The following TBC1D7 variants were observed in gnomAD, a reference collection of about 807,000 sequenced individuals.
The protein encoded by TBC1D7 is TBC1 domain family member 7.
A neutral mutation model predicts 35.3 loss-of-function variants in TBC1D7; 33 were observed. The observed-to-expected ratio is 0.93, with a 90% CI of 0.71 to 1.25. The LOEUF (loss-of-function observed/expected upper bound fraction) is 1.25. Among genes scored for constraint, TBC1D7 ranks in the 50% most tolerant of loss-of-function variants. The probability of loss-of-function intolerance (pLI) is 0.00; values close to 1 mark genes in which losing one functional copy is unlikely to be tolerated. For synonymous variants in TBC1D7, 135 were observed against 129.5 expected (o/e 1.04, Z -0.29); for missense variants, 362 against 365.3 (o/e 0.99, Z 0.07).
At chr6:13,314,129 C>G (rs1297524089) in intron 5 of TBC1D7, among the ~76,000 whole-genome samples, 2 of 151,130 alleles carry the variant, frequency 1.3e-5, no homozygotes. Flanking sequence ...GGGATGAACC[C>G]GGGAGGTGGA....
At chr6:13,323,355 T>TA (rs1784180195) in intron 3 of TBC1D7, among the ~76,000 whole-genome samples, 2 of 149,468 alleles carry the variant, frequency 1.3e-5, no homozygotes, top group African/African-American at 2.5e-5. Context: ...TGTCTCAAAA[T>TA]AAAAAAATTA....
chr6:13,326,622 T>C (rs1185512003), intron 2 of TBC1D7, among the ~76,000 whole-genome samples, 165 bp downstream of exon 2: 11 of 152,176 alleles, frequency 7.2e-5, no homozygotes. Flanking sequence ...CTCAGTGAAA[T>C]ATAAATTTGA....
intron 5 of TBC1D7, among the ~76,000 whole-genome samples, chr6:13,311,705 C>T (rs1185061731): frequency 2.0e-5 from 3 of 152,004 alleles, no homozygotes; most frequent in Admixed American, 6.5e-5. Context: ...GATGAGGAAA[C>T]GAAAGTTTAA....
At chr6:13,322,279 C>CA (rs973001262) in intron 3 of TBC1D7, among the ~76,000 whole-genome samples, 12 of 150,430 alleles carry the variant, frequency 8.0e-5, no homozygotes, top group South Asian at 2.1e-4. Flanking sequence ...AAAAACAAAA[C>CA]AAAAAAAAAC....
chr6:13,323,794 A>C (rs1784216971), intron 3 of TBC1D7: 2 of 152,206 alleles, frequency 1.3e-5, no homozygotes, highest in Admixed American at 6.5e-5. Context: ...AAGATACTAC[A>C]TTTTGGAAAG....
chr6:13,312,517 G>A (rs532488307), intron 5 of TBC1D7, among the ~76,000 whole-genome samples: 2 of 151,760 alleles, frequency 1.3e-5, no homozygotes, highest in Non-Finnish European at 2.9e-5. Context: ...GCGAAATCCC[G>A]TCTCTACTAA....
intron 5 of TBC1D7, among the ~76,000 whole-genome samples, chr6:13,314,154 G>A (rs893803723): frequency 5.3e-5 from 8 of 150,740 alleles, no homozygotes; most frequent in African/African-American, 9.8e-5. Flanking sequence ...GCAGTGAGCC[G>A]AGATTGCGCC....
At chr6:13,314,442 A>G (rs1427045747) in intron 5 of TBC1D7, among the ~76,000 whole-genome samples, 1 of 152,236 alleles carries the variant, frequency 6.6e-6, no homozygotes, top group Non-Finnish European at 1.5e-5. Flanking sequence ...GAATTTTTAA[A>G]GAATAGCATA....
At chr6:13,311,917 G>A (rs1364211845) in intron 5 of TBC1D7, among the ~76,000 whole-genome samples, 3 of 145,248 alleles carry the variant, frequency 2.1e-5, no homozygotes, top group African/African-American at 2.6e-5. Flanking sequence ...ATAAAAAGGA[G>A]TCCAGAAAGA....
At chr6:13,321,212 G>A (rs750593713) in intron 3 of TBC1D7, 117 bp from the exon 4 acceptor site, 106 of 788,994 alleles carry the variant, frequency 1.3e-4, no homozygotes, top group Middle Eastern at 2.5e-4. Context: ...TAGAATTCAC[G>A]CAGACATTCA....
At chr6:13,320,494 C>T in intron 4 of TBC1D7, 1 of 468,798 alleles carries the variant, frequency 2.1e-6, no homozygotes, top group Non-Finnish European at 3.8e-6. Context: ...CGTTTTAAAA[C>T]AACAAAGCAA....
chr6:13,323,261 G>A (rs927595030), intron 3 of TBC1D7, among the ~76,000 whole-genome samples: 1 of 152,136 alleles, frequency 6.6e-6, no homozygotes, highest in African/African-American at 2.4e-5. Context: ...ACTGAGGCAG[G>A]AGAATCGCCT....
At chr6:13,328,271 A>C (rs1413908733) in intron 1 of TBC1D7, 25 bp downstream of exon 1, 2 of 152,250 alleles carry the variant, frequency 1.3e-5, no homozygotes, top group African/African-American at 4.8e-5. Flanking sequence ...CCCAGGTCCC[A>C]TTCTCTCTAT....
chr6:13,307,620 C>T lies in TBC1D7; in HGVS notation c.645G>A (p.Leu215=), dbSNP rs1782898816. Residue 215 remains leucine (L), a synonymous_variant, in exon 6 of 8, where the codon TTG becomes TTA. Coordinates refer to ENST00000379300, the MANE Select transcript of TBC1D7 (RefSeq NM_016495.6). The part of the protein sequence containing the change: ...LWFKRCFAGC[L]PESSLQRVWD... ...CTTGCCTCTGTAAACTGGATTCAGGCAAACATCCCGCAAAGCACCTCTTGA... is the reference window on the plus strand; with the variant it reads ...CTTGCCTCTGTAAACTGGATTCAGGTAAACATCCCGCAAAGCACCTCTTGA... 6.2e-7 allele frequency: 1 copy of T among 1,614,110 alleles called. No homozygotes were observed. The highest frequency in any genetic ancestry group is 8.5e-7 in the Non-Finnish European group (1 of 1,180,018).
intron 5 of TBC1D7, among the ~76,000 whole-genome samples, chr6:13,314,318 G>C (rs1783446041): frequency 6.6e-6 from 1 of 152,202 alleles, no homozygotes; most frequent in African/African-American, 2.4e-5. Context: ...GAGAAGTAGG[G>C]AATTGCAGGG....
chr6:13,311,958 AATGT>A (rs1285739202), intron 5 of TBC1D7, among the ~76,000 whole-genome samples: 3 of 142,748 alleles, frequency 2.1e-5, no homozygotes, highest in Non-Finnish European at 3.1e-5. Flanking sequence ...TATATATAAA[AATGT>A]ATTTATATAT....
At position 13,321,103 on chromosome 6, in the gene TBC1D7, G is replaced by A. The variant is rs771799283; in HGVS notation, c.194-8C>T. 5.6e-6 allele frequency: 9 copies of A among 1,599,308 alleles called. No individual in the cohort carries two copies. ...GGTGTGGAGGCAAGATTCCTAGAGA[G>A]AACAGGAAAAACGAAAAAAGGACAA... On this transcript the variant is annotated splice_polypyrimidine_tract_variant and splice_region_variant and intron_variant, in intron 3 of 7. Transcript: ENST00000379300.
intron 4 of TBC1D7, 121 bp from the exon 5 acceptor site, chr6:13,316,829 T>A (rs1269764296): frequency 1.6e-6 from 2 of 1,236,376 alleles, no homozygotes; most frequent in Non-Finnish European, 2.2e-6. Context: ...TAAATCAAAG[T>A]AGGATCAAAA....
chr6:13,326,885 G>C lies in TBC1D7; in HGVS notation c.14C>G (p.Ser5Cys), dbSNP rs772430703. The C allele has an allele frequency of 2.5e-6, 4 of 1,606,234 alleles. No homozygotes were observed. The highest frequency in any genetic ancestry group is 4.5e-5 in the East Asian group (2 of 44,600). MTEDSQRNFRSVYYE... is the reference protein window; with the variant it reads MTEDCQRNFRSVYYE... ...ATATACTGAACGAAAGTTTCTCTGA[G>C]AGTCCTCAGTCATATTTCATTCTTG... Residue 5 changes from serine (S) to cysteine (C), a missense_variant, in exon 2 of 8, where the codon TCT becomes TGT. Coordinates refer to ENST00000379300, the MANE Select transcript of TBC1D7 (RefSeq NM_016495.6).
Sources: allele counts gnomAD v4.1 joint callset (sites outside exome capture counted in the v4.1 genomes callset), GRCh38; gene constraint gnomAD v4.1.1; transcripts MANE v1.5; gene names NCBI Gene and HGNC (gene_info 2026-07-23, HGNC 2026-07-21).